OBSL1: variants seen among roughly 807,000 people sequenced by gnomAD.
OBSL1 encodes the protein obscurin like cytoskeletal adaptor 1.
OBSL1 carries 160 observed loss-of-function variants against 172.0 expected under a neutral mutation model. The observed-to-expected ratio is 0.93, with a 90% CI of 0.82 to 1.06. The LOEUF is 1.06. Among genes scored for constraint, OBSL1 ranks in the 50% least tolerant of loss-of-function variants. OBSL1 has a pLI of 0.00. For synonymous variants in OBSL1, 1,200 were observed against 1,196.3 expected (o/e 1.00, Z -0.06); for missense variants, 2,681 against 2,715.4 (o/e 0.99, Z 0.28).
intron 20 of OBSL1, 60 bp downstream of exon 20, chr2:219,551,469 T>C: frequency 6.6e-7 from 1 of 1,510,478 alleles, no homozygotes; most frequent in Non-Finnish European, 8.9e-7. Context: ...AGGTGTGGCT[T>C]AACCCATCAG....
In OBSL1 at chr2:219,563,416, G is replaced by A. The variant is rs769179933; in HGVS notation, c.2619C>T (p.Asp873=). The change falls in exon 7 of 21, where the codon GAC becomes GAT. Residue 873 remains aspartate, a synonymous_variant. Coordinates refer to ENST00000404537, the MANE Select transcript of OBSL1 (RefSeq NM_015311.3). ...CAGCGACGCACTGAAACTCGCCCCC[G>A]TCTGAGGGCTGGGTGGCGGGCAGCA... ...RLVLPATQPS[D]GGEFQCVAGD... is the part of the protein sequence containing the mutation. The A allele has an allele frequency of 5.5e-5, 89 of 1,611,868 alleles. No individual in the cohort carries two copies. Among genetic ancestry groups the A allele is most frequent in the African/African-American group, 2.8e-4 (21 of 74,886 alleles).
chr2:219,565,601 T>C (rs532733569), intron 5 of OBSL1, 87 bp from the exon 6 acceptor site: 38 of 1,377,224 alleles, frequency 2.8e-5, no homozygotes, highest in Admixed American at 7.7e-5. Flanking sequence ...ACTGCTGTTG[T>C]TGGGGTTTTT....
chr2:219,562,952 C>A lies in OBSL1; in HGVS notation c.2681-278G>T. 5.5e-6 allele frequency: 3 copies of A among 544,752 alleles called. No homozygotes were observed. In the Admixed American group the frequency reaches 9.4e-5, roughly 17 times the overall value. The allele number at this position is 544,752 out of a possible 1,614,324, so 33.7% of individuals were successfully genotyped here. ...ACGCTCCACATTCTCTGGGTTGGGA[C>A]AGGGACGGTATGAAGGGTGGAACTG... On this transcript the variant is annotated intron_variant, in intron 7 of 20. Transcript: ENST00000404537.
Position 219,570,907 on chromosome 2 carries a change from G to A in OBSL1, c.326C>T (p.Pro109Leu), listed in dbSNP as rs1272800257. 1 of 1,318,692 alleles carries A rather than the reference G, an allele frequency of 7.6e-7. No individual in the cohort carries two copies. The highest frequency in any genetic ancestry group is 9.6e-7 in the Non-Finnish European group (1 of 1,042,844). The allele number at this position is 1,318,692 out of a possible 1,614,324, so 81.7% of individuals were successfully genotyped here. The change falls in exon 1 of 21, where the codon CCC becomes CTC. Residue 109 changes from proline (P) to leucine (L), a missense_variant. By Grantham distance (98) the Pro-to-Leu change is moderately conservative. Around this residue, in one of 5 missense-constraint regions of OBSL1, gnomAD observed 67 missense variants for 109.3 expected, o/e 0.61. Coordinates refer to ENST00000404537, the MANE Select transcript of OBSL1 (RefSeq NM_015311.3). ...CGGGCGCTCGGCGGGCTGCAGCTCG[G>A]GGTCGGAGGCCGGCGGCTCCAGCAC... ...VTVLEPPASD[P>L]ELQPAERPLP...
chr2:219,564,565 C>T (rs1250075166), intron 6 of OBSL1, among the ~76,000 whole-genome samples: 2 of 152,226 alleles, frequency 1.3e-5, no homozygotes, highest in Non-Finnish European at 2.9e-5. Flanking sequence ...ATCTCTCCTC[C>T]CCTTAATTGC....
chr2:219,549,106 A>G (rs1695467158), downstream of OBSL1: 3 of 1,608,090 alleles, frequency 1.9e-6, no homozygotes, highest in African/African-American at 4.0e-5. Context: ...CAAGGGAAAC[A>G]AGGCGCACCG....
Position 219,559,270 on chromosome 2 carries a change from A to T in OBSL1, c.3181T>A (p.Cys1061Ser), listed in dbSNP as rs1397031574. ...AAGGCCGAGTCATCTCCAGCATCAC[A>T]TACAAACTCGCCCCCGTCCTCGGGC... ...AQPEDGGEFV[C>S]DAGDDSAFFT... The change falls in exon 9 of 21, where the codon TGT becomes AGT. Residue 1061 changes from cysteine to serine, a missense_variant. Physicochemically the swap from Cys to Ser is moderately radical, Grantham distance 112 (BLOSUM62 -1). Coordinates refer to ENST00000404537, the MANE Select transcript of OBSL1 (RefSeq NM_015311.3). 6.2e-7 allele frequency: 1 copy of T among 1,613,272 alleles called. No homozygotes were observed. The highest frequency in any genetic ancestry group is 8.5e-7 in the Non-Finnish European group (1 of 1,179,364).
chr2:219,559,460 C>A lies in OBSL1; in HGVS notation c.2991G>T (p.Val997=). 1 of 1,613,862 alleles carries A rather than the reference C, an allele frequency of 6.2e-7. No homozygotes were observed. The highest frequency in any genetic ancestry group is 8.5e-7 in the Non-Finnish European group (1 of 1,179,828). The change falls in exon 9 of 21, where the codon GTG becomes GTT. Residue 997 remains valine (V), a synonymous_variant. Coordinates refer to ENST00000404537, the MANE Select transcript of OBSL1 (RefSeq NM_015311.3). The stretch of plus-strand genomic sequence containing the variant: ...ACTCCAAGGTCACGGCGATCAAGGT[C>A]ACCTCATCGCGAGGGTATATGATCC... ...PVRIIYPRDE[V]TLIAVTLECV...
In OBSL1 at chr2:219,553,039, T is replaced by A; in HGVS notation, c.4990-15A>T. 1 of 1,490,232 alleles carries A rather than the reference T, an allele frequency of 6.7e-7. No homozygotes were observed. 92.3% of individuals were successfully genotyped at this position (1,490,232 alleles called of 1,614,324 possible). A position where few individuals can be genotyped will look rare whatever the true frequency, so the allele number is the denominator to read the frequency against. On this transcript the variant is annotated splice_polypyrimidine_tract_variant and intron_variant, in intron 16 of 20. Coordinates refer to ENST00000404537, the MANE Select transcript of OBSL1 (RefSeq NM_015311.3). Reference sequence around the variant, plus strand: ...GCGTTCCCGTCCTAGGGGCGGGAGTTGCAGAGGGTCGGGGCGAGCCCGGCT... The same window carrying A: ...GCGTTCCCGTCCTAGGGGCGGGAGTAGCAGAGGGTCGGGGCGAGCCCGGCT...
rs201568270 is a variant in OBSL1 at position 219,551,808 on chromosome 2, G to T, written c.5414-10C>A. The T allele has an allele frequency of 6.6e-7, 1 of 1,519,352 alleles. No homozygotes were observed. The highest frequency in any genetic ancestry group is 1.4e-5 in the African/African-American group (1 of 73,534). The allele number at this position is 1,519,352 out of a possible 1,614,324, so 94.1% of individuals were successfully genotyped here. ...ATCTGGAGAGGCAATGCTGGGGGTA[G>T]GGGGCGGGGGCTTAAGTTAATAGGG... On this transcript the variant is annotated splice_polypyrimidine_tract_variant and intron_variant, in intron 19 of 20. Transcript: ENST00000404537.
Position 219,561,402 on chromosome 2 carries a change from G to T in OBSL1, c.2953+1000C>A, listed in dbSNP as rs147553473. Among the ~76,000 whole-genome samples, 56 of 152,210 alleles carry T rather than the reference G, an allele frequency of 3.7e-4. No homozygotes were observed. The East Asian group carries it at 0.01, about 28-fold the overall frequency. The stretch of plus-strand genomic sequence containing the variant: ...TCCACAGTTGTCCTGTGCTTCTCCC[G>T]CTTTGAATATTCCCCCACACCCCAC... On this transcript the variant is annotated intron_variant, in intron 8 of 20. Coordinates refer to ENST00000404537, the MANE Select transcript of OBSL1 (RefSeq NM_015311.3).
At chr2:219,570,126 T>G in intron 1 of OBSL1, 95 bp downstream of exon 1, 1 of 1,120,006 alleles carries the variant, frequency 8.9e-7, no homozygotes, top group Non-Finnish European at 1.2e-6. Flanking sequence ...TCTCCTCCAG[T>G]CTTGGGGGCA....
At chr2:219,548,960 A>G (rs1046640733), downstream of OBSL1, 31 of 615,762 alleles carry the variant, frequency 5.0e-5, no homozygotes, top group Non-Finnish European at 5.7e-5. Flanking sequence ...GACCTATGGA[A>G]GAAAAGAACA....
rs767138516 is a variant in OBSL1, at chr2:219,571,197, C to T, written c.36G>A (p.Pro12=). The T allele has an allele frequency of 2.1e-6, 3 of 1,415,466 alleles. No homozygotes were observed. Among genetic ancestry groups the T allele is most frequent in the Admixed American group, 4.5e-5 (2 of 44,080 alleles). The allele number at this position is 1,415,466 out of a possible 1,614,324, so 87.7% of individuals were successfully genotyped here. Residue 12 remains proline, a synonymous_variant, in exon 1 of 21, where the codon CCG becomes CCA. Transcript: ENST00000404537. The part of the protein sequence containing the change: ...KASSGDQGSP[P]CFLRFPRPVR... Reference sequence around the variant, plus strand: ...CAGGCCGCGGGAAGCGCAGGAAGCACGGGGGGCTCCCCTGATCCCCCGAGC... The same window carrying T: ...CAGGCCGCGGGAAGCGCAGGAAGCATGGGGGGCTCCCCTGATCCCCCGAGC...
At chr2:219,549,950 C>T (rs1695517064), downstream of OBSL1, 2 of 1,509,022 alleles carry the variant, frequency 1.3e-6, no homozygotes, top group African/African-American at 1.4e-5. Context: ...GGCTGTCCCT[C>T]TCCCCAGCCT....
In OBSL1 at chr2:219,550,860, C is replaced by T. The variant is rs1244003811; in HGVS notation, c.5684-18G>A. The T allele has an allele frequency of 6.3e-7, 1 of 1,589,530 alleles. No homozygotes were observed. The highest frequency in any genetic ancestry group is 2.3e-5 in the East Asian group (1 of 44,120). On this transcript the variant is annotated intron_variant, in intron 20 of 20. Transcript: ENST00000404537. ...CTAGTTGCCTGCAGAGGAATGACTC[C>T]ACATGGGGCTGGGGAGAGAAGGGGG...
intron 9 of OBSL1, among the ~76,000 whole-genome samples, chr2:219,558,861 A>T (rs1574543152): frequency 6.6e-6 from 1 of 152,090 alleles, no homozygotes; most frequent in Non-Finnish European, 1.5e-5. Flanking sequence ...CACCTGACAA[A>T]CCATCTCTTT....
At chr2:219,552,299 G>T in intron 18 of OBSL1, 83 bp from the exon 19 acceptor site, 1 of 1,300,946 alleles carries the variant, frequency 7.7e-7, no homozygotes, top group Non-Finnish European at 1.1e-6. Context: ...GCAGGCCCCT[G>T]GGTCGGTTCG....
At chr2:219,554,983 G>T (rs535275673) in intron 14 of OBSL1, among the ~76,000 whole-genome samples, 1 of 152,070 alleles carries the variant, frequency 6.6e-6, no homozygotes, top group Non-Finnish European at 1.5e-5. Context: ...TTAGGGGGTC[G>T]TGGAGTCTGG....
Sources: allele counts gnomAD v4.1 joint callset (sites outside exome capture counted in the v4.1 genomes callset), GRCh38; gene constraint gnomAD v4.1.1; regional missense constraint gnomAD v4.1.1; transcripts MANE v1.5; gene names NCBI Gene and HGNC (gene_info 2026-07-23, HGNC 2026-07-21).